The following DENND2A variants were observed in gnomAD, a reference collection of about 807,000 sequenced individuals.
DENND2A encodes the protein DENN domain containing 2A, also known as DENN domain-containing protein 2A.
Under a neutral mutation model 105.3 loss-of-function variants are expected in DENND2A, and 53 were observed. The ratio of observed to expected loss-of-function variants is 0.50; its 90% CI spans 0.40 to 0.63. The LOEUF (loss-of-function observed/expected upper bound fraction) is 0.63. Ranked by LOEUF, DENND2A falls within the 30% of genes least tolerant of loss-of-function variation. The probability of loss-of-function intolerance (pLI) is 0.00; values close to 1 mark genes in which losing one functional copy is unlikely to be tolerated. For missense variants in DENND2A, 1,138 were observed against 1,279.6 expected (o/e 0.89, Z 1.69); for synonymous variants, 522 against 508.4 (o/e 1.03, Z -0.36).
chr7:140,641,312 T>G (rs982706891), upstream of DENND2A: 1 of 152,314 alleles, frequency 6.6e-6, no homozygotes, highest in Non-Finnish European at 1.5e-5. Context: ...CCGAGCGCGC[T>G]GCAGAAGGGC....
At position 140,550,088 on chromosome 7, in the gene DENND2A, A is replaced by G. The variant is rs184550376; in HGVS notation, c.2038-3149T>C. Among the ~76,000 whole-genome samples, 510 of 133,892 alleles carry G rather than the reference A, an allele frequency of 3.8e-3. 4 individuals carry two copies. Among genetic ancestry groups the G allele is most frequent in the African/African-American group, 0.013 (483 of 37,610 alleles). The allele number at this position is 133,892 out of a possible 152,430, so 87.8% of individuals were successfully genotyped here. A position where few individuals can be genotyped will look rare whatever the true frequency, so the allele number is the denominator to read the frequency against. On this transcript the variant is annotated intron_variant, in intron 12 of 19. Coordinates refer to ENST00000496613, the MANE Select transcript of DENND2A (RefSeq NM_015689.5). The stretch of plus-strand genomic sequence containing the variant: ...CTAGAATCCTGGAATTCATAAAAAT[A>G]GAAAGTAGAATGGCGATGGTGAGGG...
chr7:140,544,886 A>C, intron 13 of DENND2A, 120 bp from the exon 14 acceptor site: 1 of 1,469,324 alleles, frequency 6.8e-7, no homozygotes, highest in Non-Finnish European at 9.0e-7. Flanking sequence ...GGTGGGGGAA[A>C]AGGGAAAGAA....
chr7:140,569,561 C>T, intron 7 of DENND2A, 84 bp downstream of exon 7: 1 of 951,898 alleles, frequency 1.1e-6, no homozygotes, highest in Non-Finnish European at 1.7e-6. Flanking sequence ...CTTGGTGAGC[C>T]AACCAGAAAA....
intron 12 of DENND2A, among the ~76,000 whole-genome samples, chr7:140,553,957 G>T (rs1001690108): frequency 6.6e-6 from 1 of 152,234 alleles, no homozygotes; most frequent in Non-Finnish European, 1.5e-5. Flanking sequence ...GCCGGATGCA[G>T]TGGCTTGTGC....
chr7:140,616,051 C>T (rs1181287855), intron 1 of DENND2A, among the ~76,000 whole-genome samples: 1 of 152,092 alleles, frequency 6.6e-6, no homozygotes, highest in African/African-American at 2.4e-5. Context: ...TTGTGTAATT[C>T]AATTCTCAAG....
chr7:140,619,875 A>T (rs1007905251), intron 1 of DENND2A, among the ~76,000 whole-genome samples: 6 of 152,022 alleles, frequency 3.9e-5, no homozygotes, highest in African/African-American at 1.4e-4. Context: ...TGTGAATTAT[A>T]TCTCAATCAA....
chr7:140,546,742 A>G, intron 13 of DENND2A, 57 bp downstream of exon 13: 1 of 1,599,392 alleles, frequency 6.3e-7, no homozygotes, highest in Middle Eastern at 1.8e-4. Flanking sequence ...GAGCACGGAG[A>G]CTCGGCTGTC....
intron 14 of DENND2A, among the ~76,000 whole-genome samples, chr7:140,531,293 A>G (rs945810630): frequency 1.3e-5 from 2 of 152,196 alleles, no homozygotes; most frequent in African/African-American, 2.4e-5. Flanking sequence ...CTCGTGTGCT[A>G]TGGTTGTAAA....
intron 3 of DENND2A, among the ~76,000 whole-genome samples, chr7:140,590,488 G>T (rs74492801): frequency 1.4e-4 from 21 of 152,278 alleles, no homozygotes; most frequent in East Asian, 3.9e-4. Context: ...TATCCCAGTG[G>T]TTACTGTCAG....
chr7:140,567,428 A>G (rs1409961539), intron 8 of DENND2A, among the ~76,000 whole-genome samples, 155 bp from the exon 9 acceptor site: 2 of 152,102 alleles, frequency 1.3e-5, no homozygotes, highest in East Asian at 3.9e-4. Context: ...TTATCAGCTC[A>G]AGTACTTTTT....
rs6943131 is a variant in DENND2A, at chr7:140,527,673, G to A, written c.2328-178C>T. Among the ~76,000 whole-genome samples, 55,064 of 151,676 alleles carry A rather than the reference G, an allele frequency of 0.36. 10,301 individuals are homozygous for A. The highest frequency in any genetic ancestry group is 0.42 in the Admixed American group (6,396 of 15,262). ...CACACCAGGCACTTAGAGCCTATGC[G>A]AGAGGCTTGCAGGCACAGCTACAGG... On this transcript the variant is annotated intron_variant, in intron 14 of 19. Transcript: ENST00000496613. This position sits in a 1 kb window ranked among gnomAD's most constrained non-coding sequence, Gnocchi z 4.9.
intron 14 of DENND2A, among the ~76,000 whole-genome samples, chr7:140,542,657 C>T (rs1012360312): frequency 2.0e-5 from 3 of 151,130 alleles, no homozygotes; most frequent in Admixed American, 1.3e-4. Flanking sequence ...CTCCGCCTCC[C>T]GGGTTCAAAC....
At chr7:140,566,176 C>T (rs867482039) in intron 9 of DENND2A, among the ~76,000 whole-genome samples, 6 of 152,106 alleles carry the variant, frequency 3.9e-5, no homozygotes, top group Middle Eastern at 3.4e-3. Context: ...GGATTATAGG[C>T]GCCTGCCACC....
At chr7:140,524,795 T>C (rs1554458588) in intron 16 of DENND2A, among the ~76,000 whole-genome samples, 1 of 151,668 alleles carries the variant, frequency 6.6e-6, no homozygotes, top group Non-Finnish European at 1.5e-5. Flanking sequence ...TGTCCCAGGC[T>C]GGTCTTTAAC....
chr7:140,577,334 T>C (rs1294776317), intron 5 of DENND2A, among the ~76,000 whole-genome samples: 1 of 152,112 alleles, frequency 6.6e-6, no homozygotes, highest in East Asian at 1.9e-4. Flanking sequence ...AGACATCTAA[T>C]TGTCTATTGA....
At chr7:140,547,268 GT>G (rs1240753058) in intron 12 of DENND2A, among the ~76,000 whole-genome samples, 2 of 152,194 alleles carry the variant, frequency 1.3e-5, no homozygotes, top group African/African-American at 4.8e-5. Flanking sequence ...CCCCAAGGGG[GT>G]AAGAACTGGT....
chr7:140,533,924 TC>T (rs1178327384), intron 14 of DENND2A, among the ~76,000 whole-genome samples: 3 of 152,058 alleles, frequency 2.0e-5, no homozygotes, highest in Non-Finnish European at 4.4e-5. Flanking sequence ...CAACGTTTTT[TC>T]TTTTTTTAGA....
intron 3 of DENND2A, among the ~76,000 whole-genome samples, chr7:140,594,285 C>T (rs1799191651): frequency 6.6e-6 from 1 of 152,142 alleles, no homozygotes; most frequent in Admixed American, 6.5e-5. Flanking sequence ...GTAATAGGCC[C>T]AAATCCACAC....
At position 140,618,159 on chromosome 7, in the gene DENND2A, G is replaced by C. The variant is rs191249893; in HGVS notation, c.-247-12353C>G. Among the ~76,000 whole-genome samples, 130 of 152,266 alleles carry C rather than the reference G, an allele frequency of 8.5e-4. 2 individuals are homozygous for C. The highest frequency in any genetic ancestry group is 7.0e-3 in the Admixed American group (107 of 15,290). On this transcript the variant is annotated intron_variant, in intron 1 of 19. Transcript: ENST00000496613. ...CTGCCAGGGTCACCTCTCTGATCAA[G>C]GCTAGTATGAGTTTGCCATAAATCA...
Sources: allele counts gnomAD v4.1 joint callset (sites outside exome capture counted in the v4.1 genomes callset), GRCh38; gene constraint gnomAD v4.1.1; non-coding constraint Gnocchi (gnomAD v3.1); transcripts MANE v1.5; gene names NCBI Gene and HGNC (gene_info 2026-07-23, HGNC 2026-07-21).